The following IQCB1 variants were observed in gnomAD, a reference collection of about 807,000 sequenced individuals.
IQCB1 encodes IQ motif containing B1, also known as IQ calmodulin-binding motif-containing protein 1.
A neutral mutation model predicts 84.4 loss-of-function variants in IQCB1; 56 were observed. That is an observed-to-expected ratio of 0.66 (90% CI 0.54 to 0.83). IQCB1 has a LOEUF of 0.83. IQCB1 is among the 40% of genes least tolerant of loss of function. The pLI is 0.00. For missense variants in IQCB1, 629 were observed against 682.1 expected, an observed-to-expected ratio of 0.92 and a Z score of 0.87; for synonymous variants, 210 against 234.8, an observed-to-expected ratio of 0.89 and a Z score of 0.96.
At chr3:121,807,228 T>G (rs890942604) in intron 7 of IQCB1, 116 bp downstream of exon 7, 1 of 689,074 alleles carries the variant, frequency 1.5e-6, no homozygotes, top group Non-Finnish European at 2.7e-6. Flanking sequence ...ATAGTGCATA[T>G]ACTTGTATAT....
Position 121,808,997 on chromosome 3 carries a change from CT to C in IQCB1, c.405del (p.Asp136MetfsTer10). On this transcript the variant is annotated frameshift_variant, in exon 6 of 15. Coordinates refer to ENST00000310864, the MANE Select transcript of IQCB1 (RefSeq NM_001023570.4). LOFTEE classifies it high-confidence loss of function. The stretch of plus-strand genomic sequence containing the variant: ...ATTTGGAAAAAGTGTAGTAATTCAT[CT>C]TTTTCTTCAGCCTTAACATAAAAGA... ...CFINAAKAEE[K>X]DELLHFFQIV... 1 of 1,600,298 alleles carries C rather than the reference CT, an allele frequency of 6.2e-7. No individual in the cohort carries two copies. Among genetic ancestry groups the C allele is most frequent in the Non-Finnish European group, 8.6e-7 (1 of 1,168,422 alleles).
intron 11 of IQCB1, among the ~76,000 whole-genome samples, 176 bp downstream of exon 11, chr3:121,789,897 T>C (rs918190938): frequency 1.3e-5 from 2 of 152,160 alleles, no homozygotes; most frequent in African/African-American, 4.8e-5. Flanking sequence ...TAGGTCTGAA[T>C]TGAAAAAACA....
At chr3:121,828,274 G>T (rs887598415) in intron 4 of IQCB1, among the ~76,000 whole-genome samples, 196 bp downstream of exon 4, 1 of 152,120 alleles carries the variant, frequency 6.6e-6, no homozygotes, top group Non-Finnish European at 1.5e-5. Flanking sequence ...TAAGCTTGTG[G>T]AGGAAAATTT....
intron 5 of IQCB1, among the ~76,000 whole-genome samples, chr3:121,819,790 A>C (rs1022464847): frequency 6.6e-6 from 1 of 152,160 alleles, no homozygotes; most frequent in African/African-American, 2.4e-5. Flanking sequence ...CATCTAGATA[A>C]TGTTAAGTTT....
chr3:121,793,676 AC>A (rs1346194995), intron 10 of IQCB1, among the ~76,000 whole-genome samples: 1 of 152,232 alleles, frequency 6.6e-6, no homozygotes, highest in Admixed American at 6.5e-5. Context: ...GGCAACAAAC[AC>A]AAAATGTGAG....
At chr3:121,809,887 T>C (rs1321711490) in intron 5 of IQCB1, among the ~76,000 whole-genome samples, 1 of 151,934 alleles carries the variant, frequency 6.6e-6, no homozygotes, top group Non-Finnish European at 1.5e-5. Flanking sequence ...ATGAAAGTAT[T>C]TTTTTCCTAA....
At chr3:121,797,061 T>G (rs1334837290) in intron 9 of IQCB1, 57 bp downstream of exon 9, 2 of 886,500 alleles carry the variant, frequency 2.3e-6, no homozygotes, top group East Asian at 2.4e-5. Context: ...TAAGGAAAAC[T>G]AAGGTTTAAT....
intron 4 of IQCB1, among the ~76,000 whole-genome samples, chr3:121,827,189 T>C (rs1388718799): frequency 6.6e-6 from 1 of 152,022 alleles, no homozygotes; most frequent in Non-Finnish European, 1.5e-5. Flanking sequence ...TATTCTCACT[T>C]ATAAGTGAGA....
chr3:121,825,933 T>C, intron 5 of IQCB1, 118 bp downstream of exon 5: 1 of 985,982 alleles, frequency 1.0e-6, no homozygotes, highest in Non-Finnish European at 1.5e-6. Context: ...ACTTTGAAAA[T>C]GTTTAAATTC....
intron 5 of IQCB1, 45 bp from the exon 6 acceptor site, chr3:121,809,054 T>TA: frequency 8.2e-7 from 1 of 1,218,904 alleles, no homozygotes; most frequent in Non-Finnish European, 1.2e-6. Flanking sequence ...ATAGTTTTTT[T>TA]CCTTTTTTTT....
intron 6 of IQCB1, among the ~76,000 whole-genome samples, 175 bp from the exon 7 acceptor site, chr3:121,807,618 G>A (rs990162742): frequency 6.6e-6 from 1 of 151,902 alleles, no homozygotes; most frequent in Non-Finnish European, 1.5e-5. Flanking sequence ...ATTTTAAATA[G>A]CGATAAATAA....
At chr3:121,797,547 A>C (rs1314462494) in intron 8 of IQCB1, among the ~76,000 whole-genome samples, 1 of 151,818 alleles carries the variant, frequency 6.6e-6, no homozygotes, top group African/African-American at 2.4e-5. Context: ...AGTAGAGATA[A>C]ATTTTTTTTA....
At chr3:121,770,908 G>A (rs1464735927) in intron 14 of IQCB1, among the ~76,000 whole-genome samples, 1 of 152,060 alleles carries the variant, frequency 6.6e-6, no homozygotes, top group Non-Finnish European at 1.5e-5. Context: ...CTGGACTCAA[G>A]CAATCCTTCT....
intron 4 of IQCB1, among the ~76,000 whole-genome samples, chr3:121,826,835 T>C (rs1950481224): frequency 1.3e-5 from 2 of 152,056 alleles, no homozygotes; most frequent in Admixed American, 6.5e-5. Flanking sequence ...GTCCCAATAA[T>C]AAAAGGTTTT....
chr3:121,810,009 G>C (rs1467374333), intron 5 of IQCB1, among the ~76,000 whole-genome samples: 1 of 151,012 alleles, frequency 6.6e-6, no homozygotes, highest in Admixed American at 6.6e-5. Flanking sequence ...TTTTAGTTCA[G>C]GAAGCTACCT....
chr3:121,827,780 G>C (rs1278391045), intron 4 of IQCB1, among the ~76,000 whole-genome samples: 2 of 151,532 alleles, frequency 1.3e-5, no homozygotes, highest in South Asian at 2.1e-4. Context: ...GCTTATTTAG[G>C]AAAAACAAAA....
At chr3:121,788,849 T>C (rs533713404) in intron 11 of IQCB1, among the ~76,000 whole-genome samples, 8 of 152,358 alleles carry the variant, frequency 5.3e-5, no homozygotes, top group African/African-American at 1.9e-4. Context: ...CAGATGACTT[T>C]CTTTTTGCTT....
At position 121,828,469 on chromosome 3, in the gene IQCB1, C is replaced by A. The variant is rs954179017; in HGVS notation, c.263+1G>T. ...ACAGCTGACTTACTGCTTTATTTTA[C>A]CTTAATATCTGTGTAAGCTGGGAAA... On this transcript the variant is annotated splice_donor_variant, in intron 4 of 14. Coordinates refer to ENST00000310864, the MANE Select transcript of IQCB1 (RefSeq NM_001023570.4). LOFTEE classifies it high-confidence loss of function. 14 of 1,611,308 alleles carry A rather than the reference C, an allele frequency of 8.7e-6. No homozygotes were observed. The highest frequency in any genetic ancestry group is 1.0e-5 in the Non-Finnish European group (12 of 1,177,658).
chr3:121,792,608 G>A (rs1406234836), intron 10 of IQCB1, among the ~76,000 whole-genome samples: 1 of 134,144 alleles, frequency 7.5e-6, no homozygotes, highest in Non-Finnish European at 1.5e-5. Context: ...CTTGCAGTGA[G>A]CCGAGATTGC....
Sources: gnomAD v4.1 joint callset for allele counts (sites outside exome capture counted in the v4.1 genomes callset) on GRCh38, gnomAD v4.1.1 for gene constraint, MANE v1.5 for transcripts, NCBI Gene and HGNC (gene_info 2026-07-23, HGNC 2026-07-21) for gene names.